CDH13: variants seen among roughly 807,000 people sequenced by gnomAD.
The protein encoded by CDH13 is cadherin 13, also known as cadherin-13.
In CDH13, 24 loss-of-function variants were observed where a neutral mutation model predicts 63.8. The ratio of observed to expected loss-of-function variants is 0.38; its 90% CI spans 0.27 to 0.53. The LOEUF is 0.53. CDH13 is among the 20% of genes least tolerant of loss of function. CDH13 has a pLI of 0.85. For missense variants in CDH13, 1,049 were observed against 903.1 expected (o/e 1.16, Z -2.07); for synonymous variants, 503 against 355.3 (o/e 1.42, Z -4.67).
At chr16:83,350,496 T>G (rs1301393491) in intron 6 of CDH13, among the ~76,000 whole-genome samples, 1 of 152,222 alleles carries the variant, frequency 6.6e-6, no homozygotes, top group Admixed American at 6.5e-5. Flanking sequence ...ACGTCCTCAT[T>G]GTCTAACTTC....
At chr16:83,780,337 C>A in intron 12 of CDH13, 136 bp downstream of exon 12, 2 of 617,238 alleles carry the variant, frequency 3.2e-6, no homozygotes, top group Non-Finnish European at 2.8e-6. Context: ...ATTATAAATA[C>A]TGAGAATTTT....
intron 2 of CDH13, among the ~76,000 whole-genome samples, chr16:82,948,739 T>G (rs962837624): frequency 2.6e-5 from 4 of 152,156 alleles, no homozygotes; most frequent in Non-Finnish European, 5.9e-5. Context: ...TTTACACCAC[T>G]CAAAAGCAGA....
At chr16:83,543,309 C>T (rs996186926) in intron 7 of CDH13, among the ~76,000 whole-genome samples, 1 of 152,172 alleles carries the variant, frequency 6.6e-6, no homozygotes, top group African/African-American at 2.4e-5. Flanking sequence ...TTAAAAACAA[C>T]CTTAGTGGGC....
At chr16:83,212,574 T>C (rs533072563) in intron 4 of CDH13, among the ~76,000 whole-genome samples, 1 of 152,286 alleles carries the variant, frequency 6.6e-6, no homozygotes, top group East Asian at 1.9e-4. Flanking sequence ...CCTGTTAGTG[T>C]TATATGTTTA....
intron 8 of CDH13, among the ~76,000 whole-genome samples, chr16:83,614,534 G>T (rs957959951): frequency 6.6e-6 from 1 of 152,130 alleles, no homozygotes; most frequent in Non-Finnish European, 1.5e-5. Context: ...TGGAATATTG[G>T]CCTCGCTTCA....
At chr16:83,518,969 G>GA (rs1255135476) in intron 7 of CDH13, among the ~76,000 whole-genome samples, 1 of 152,122 alleles carries the variant, frequency 6.6e-6, no homozygotes, top group East Asian at 1.9e-4. Flanking sequence ...TTAGTAGCTT[G>GA]AGAACGGACT....
chr16:83,720,821 G>C (rs1909594760), intron 10 of CDH13, among the ~76,000 whole-genome samples: 1 of 152,192 alleles, frequency 6.6e-6, no homozygotes. Context: ...ATGGGGCCTT[G>C]TGACTGCCTC....
intron 7 of CDH13, among the ~76,000 whole-genome samples, chr16:83,490,058 G>A (rs1001800729): frequency 2.7e-5 from 4 of 145,918 alleles, no homozygotes; most frequent in African/African-American, 7.6e-5. Flanking sequence ...CAGCTCACCA[G>A]CACCTCTGGC....
At chr16:83,201,809 T>C (rs1315694831) in intron 4 of CDH13, among the ~76,000 whole-genome samples, 1 of 151,084 alleles carries the variant, frequency 6.6e-6, no homozygotes, top group Non-Finnish European at 1.5e-5. Flanking sequence ...CCCAGCTACT[T>C]GGGAGGCTGA....
chr16:83,118,743 C>T (rs139918658), intron 3 of CDH13, among the ~76,000 whole-genome samples: 1 of 152,206 alleles, frequency 6.6e-6, no homozygotes, highest in African/African-American at 2.4e-5. Flanking sequence ...TCCTCCTTTA[C>T]AGATGAGAAA....
chr16:82,722,900 C>T (rs2032868483), intron 1 of CDH13: 1 of 152,244 alleles, frequency 6.6e-6, no homozygotes, highest in African/African-American at 2.4e-5. Flanking sequence ...TGCTTTTACT[C>T]AAATGGCACC....
chr16:83,166,826 A>G lies in CDH13; in HGVS notation c.483+41325A>G, dbSNP rs192514897. ...AGAATGAGGTGTTCTTAGCATTATT[A>G]TGAAGCAAGGACAAGTGTATTACCG... On this transcript the variant is annotated intron_variant, in intron 4 of 13. Transcript: ENST00000567109. 1.7e-4 allele frequency among the ~76,000 whole-genome samples: 26 copies of G among 152,318 alleles called. 1 individual carries two copies. The highest frequency in any genetic ancestry group is 1.5e-3 in the South Asian group (7 of 4,818).
intron 7 of CDH13, among the ~76,000 whole-genome samples, chr16:83,538,812 C>G (rs1376819915): frequency 1.3e-5 from 2 of 152,178 alleles, no homozygotes; most frequent in East Asian, 3.9e-4. Flanking sequence ...AAGTATTTAT[C>G]CAGCTTGGAT....
At position 83,667,004 on chromosome 16, in the gene CDH13, T is replaced by C. The variant is rs558355078; in HGVS notation, c.1102-3786T>C. Among the ~76,000 whole-genome samples, 23 of 120,384 alleles carry C rather than the reference T, an allele frequency of 1.9e-4. No individual in the cohort carries two copies. The South Asian group carries it at 6.0e-3, about 31-fold the overall frequency. The allele number at this position is 120,384 out of a possible 152,430, so 79.0% of individuals were successfully genotyped here. On this transcript the variant is annotated intron_variant, in intron 8 of 13. Coordinates refer to ENST00000567109, the MANE Select transcript of CDH13 (RefSeq NM_001257.5). Reference sequence around the variant, plus strand: ...GTGTAACCCTGGATGGATGGATGGATGGATGGATGGATGGATGGATGGATG... The same window carrying C: ...GTGTAACCCTGGATGGATGGATGGACGGATGGATGGATGGATGGATGGATG...
At chr16:83,181,900 G>A (rs1021177222) in intron 4 of CDH13, among the ~76,000 whole-genome samples, 1 of 152,146 alleles carries the variant, frequency 6.6e-6, no homozygotes, top group Non-Finnish European at 1.5e-5. Context: ...TTCTAACTAG[G>A]TGGTGATTTG....
chr16:83,663,731 T>C (rs1913665606), intron 8 of CDH13, among the ~76,000 whole-genome samples: 1 of 152,192 alleles, frequency 6.6e-6, no homozygotes, highest in African/African-American at 2.4e-5. Flanking sequence ...TCATGGTTAC[T>C]GGAATTCTCA....
intron 2 of CDH13, among the ~76,000 whole-genome samples, chr16:83,024,786 C>T (rs772855274): frequency 6.6e-5 from 10 of 152,216 alleles, no homozygotes; most frequent in Non-Finnish European, 1.0e-4. Context: ...TCGAACAAAA[C>T]TTTGTTGATT....
At chr16:83,708,982 C>T (rs951556531) in intron 10 of CDH13, among the ~76,000 whole-genome samples, 1 of 152,148 alleles carries the variant, frequency 6.6e-6, no homozygotes, top group Non-Finnish European at 1.5e-5. Flanking sequence ...CAAGATCATG[C>T]CACTGCCCTC....
chr16:83,014,442 A>G (rs1310395245), intron 2 of CDH13, among the ~76,000 whole-genome samples: 1 of 151,652 alleles, frequency 6.6e-6, no homozygotes, highest in Non-Finnish European at 1.5e-5. Context: ...CCAGGTATAA[A>G]GGTATTTGTG....
Sources: gnomAD v4.1 joint callset for allele counts (sites outside exome capture counted in the v4.1 genomes callset) on GRCh38, gnomAD v4.1.1 for gene constraint, MANE v1.5 for transcripts, NCBI Gene and HGNC (gene_info 2026-07-23, HGNC 2026-07-21) for gene names.